The following F13A1 variants were observed in gnomAD, a reference collection of about 807,000 sequenced individuals.
F13A1 encodes coagulation factor XIII A chain, also known as FSF, A subunit.
F13A1 carries 47 observed loss-of-function variants against 80.1 expected under a neutral mutation model. The observed-to-expected ratio is 0.59, with a 90% CI of 0.46 to 0.75. The LOEUF is 0.75. F13A1 is among the 30% of genes least tolerant of loss of function. F13A1 has a pLI of 0.00. For missense variants in F13A1, 817 were observed against 930.4 expected (o/e 0.88, Z 1.59); for synonymous variants, 349 against 344.9 (o/e 1.01, Z -0.13).
At chr6:6,288,438 C>T (rs12665548) in intron 3 of F13A1, among the ~76,000 whole-genome samples, 11,304 of 152,148 alleles carry the variant, frequency 0.074, 604 homozygotes, top group East Asian at 0.22. Flanking sequence ...TCTTTCTGTG[C>T]CTGGCTTATT....
At chr6:6,196,023 C>A in intron 9 of F13A1, 138 bp from the exon 10 acceptor site, 1 of 847,188 alleles carries the variant, frequency 1.2e-6, no homozygotes, top group Non-Finnish European at 1.9e-6. Flanking sequence ...CAGATGCTTT[C>A]CAAGGCTGAA....
rs1433704612 is a variant in F13A1, at chr6:6,262,266, G to A, written c.571+4292C>T. On this transcript the variant is annotated intron_variant, in intron 4 of 14. Coordinates refer to ENST00000264870, the MANE Select transcript of F13A1 (RefSeq NM_000129.4). The stretch of plus-strand genomic sequence containing the variant: ...TGGTGACCCTCCAGGTGATTCTGAT[G>A]TGCTCCAAGCGTGGTGACCACAGAG... 2.0e-5 allele frequency among the ~76,000 whole-genome samples: 3 copies of A among 152,064 alleles called. 1 individual carries two copies. The highest frequency in any genetic ancestry group is 4.4e-5 in the Non-Finnish European group (3 of 68,010).
intron 3 of F13A1, among the ~76,000 whole-genome samples, chr6:6,291,350 C>G (rs1340995954): frequency 6.6e-6 from 1 of 152,116 alleles, no homozygotes; most frequent in African/African-American, 2.4e-5. Flanking sequence ...GTTCCAGTCC[C>G]TCCAATCCTG....
At chr6:6,174,932 T>C in intron 11 of F13A1, 65 bp from the exon 12 acceptor site, 1 of 1,588,470 alleles carries the variant, frequency 6.3e-7, no homozygotes, top group Non-Finnish European at 8.6e-7. Flanking sequence ...GTCACATTAA[T>C]GGATGCACCG....
chr6:6,242,176 T>A (rs1331171350), intron 6 of F13A1, among the ~76,000 whole-genome samples: 1 of 152,176 alleles, frequency 6.6e-6, no homozygotes, highest in Admixed American at 6.6e-5. Context: ...AGCACTAAAG[T>A]CCATTTCATC....
At chr6:6,252,580 C>G (rs1757648507) in intron 4 of F13A1, among the ~76,000 whole-genome samples, 2 of 152,102 alleles carry the variant, frequency 1.3e-5, no homozygotes, top group Non-Finnish European at 2.9e-5. Context: ...ACCATTAACT[C>G]TGAGAGTCAT....
intron 2 of F13A1, among the ~76,000 whole-genome samples, chr6:6,317,190 G>A (rs1411189686): frequency 6.6e-6 from 1 of 152,146 alleles, no homozygotes; most frequent in African/African-American, 2.4e-5. Flanking sequence ...CATTTTATTT[G>A]CATTCTTAAA....
intron 8 of F13A1, chr6:6,206,659 G>T: frequency 2.3e-6 from 1 of 428,634 alleles, no homozygotes; most frequent in Non-Finnish European, 4.9e-6. Flanking sequence ...AAAGAGCAAT[G>T]CCCCCTTCTT....
intron 10 of F13A1, among the ~76,000 whole-genome samples, chr6:6,186,168 A>T (rs1465270961): frequency 1.3e-5 from 2 of 150,714 alleles, no homozygotes; most frequent in African/African-American, 4.8e-5. Context: ...CCCATTCTGT[A>T]GGTTGCCTGT....
At chr6:6,201,828 G>A (rs1036238053) in intron 8 of F13A1, among the ~76,000 whole-genome samples, 5 of 152,184 alleles carry the variant, frequency 3.3e-5, no homozygotes, top group South Asian at 4.2e-4. Context: ...ACAGGCGTGA[G>A]CATTTTTCTC....
chr6:6,320,606 G>T lies in F13A1; in HGVS notation c.-38C>A, dbSNP rs772286419. On this transcript the variant is annotated 5_prime_UTR_variant, in exon 1 of 15. The change creates a new upstream start codon in the 5' untranslated region. Transcript: ENST00000264870. ...GCTTACCTGCAGGCGCTCCCCTCCAGAGGTGCCCTCGCGTGGGCTTGCTCT... is the reference window on the plus strand; with the variant it reads ...GCTTACCTGCAGGCGCTCCCCTCCATAGGTGCCCTCGCGTGGGCTTGCTCT... 3 of 470,052 alleles carry T rather than the reference G, an allele frequency of 6.4e-6. No homozygotes were observed. The highest frequency in any genetic ancestry group is 4.7e-5 in the South Asian group (3 of 64,396). 29.1% of individuals were successfully genotyped at this position (470,052 alleles called of 1,614,324 possible). A position where few individuals can be genotyped will look rare whatever the true frequency, so the allele number is the denominator to read the frequency against.
Position 6,145,448 on chromosome 6 carries a change from G to T in F13A1, c.*171C>A. ...CTAACTTCCTTGCCGAATAGCCTGG[G>T]TTTGGAAAAGCATGTTTTTGAAATA... On this transcript the variant is annotated 3_prime_UTR_variant, in exon 15 of 15. Coordinates refer to ENST00000264870, the MANE Select transcript of F13A1 (RefSeq NM_000129.4). 2.5e-6 allele frequency: 2 copies of T among 801,162 alleles called. No homozygotes were observed. Among genetic ancestry groups the T allele is most frequent in the Non-Finnish European group, 2.1e-6 (1 of 480,182 alleles). The allele number at this position is 801,162 out of a possible 1,614,324, so 49.6% of individuals were successfully genotyped here. A position where few individuals can be genotyped will look rare whatever the true frequency, so the allele number is the denominator to read the frequency against.
chr6:6,174,217 C>T (rs961364941), intron 12 of F13A1, among the ~76,000 whole-genome samples: 3 of 151,962 alleles, frequency 2.0e-5, no homozygotes, highest in Non-Finnish European at 4.4e-5. Context: ...TAGTGAAATC[C>T]CGTCTCTACT....
In F13A1 at chr6:6,162,643, G is replaced by C. The variant is rs1760595566; in HGVS notation, c.1908+4815C>G. ...ATCACGGGCCAGTTACTAATAAACA[G>C]CAATAATGGCAATAATAGCAGCAAC... On this transcript the variant is annotated intron_variant, in intron 13 of 14. Coordinates refer to ENST00000264870, the MANE Select transcript of F13A1 (RefSeq NM_000129.4). The surrounding 1 kb of genome is among the most constrained non-coding windows in gnomAD (Gnocchi z 4.2). Among the ~76,000 whole-genome samples, 1 of 152,152 alleles carries C rather than the reference G, an allele frequency of 6.6e-6. No individual in the cohort carries two copies. Among genetic ancestry groups the C allele is most frequent in the Non-Finnish European group, 1.5e-5 (1 of 68,034 alleles).
intron 10 of F13A1, among the ~76,000 whole-genome samples, chr6:6,193,192 G>A (rs1172950922): frequency 6.6e-6 from 1 of 152,164 alleles, no homozygotes; most frequent in Non-Finnish European, 1.5e-5. Flanking sequence ...GAGAAAAAAG[G>A]AACAGAAGGT....
chr6:6,229,951 A>C (rs1237290330), intron 6 of F13A1, among the ~76,000 whole-genome samples: 1 of 152,212 alleles, frequency 6.6e-6, no homozygotes, highest in Non-Finnish European at 1.5e-5. Context: ...GGAGCTTGCT[A>C]GGTCCCCTAG....
chr6:6,292,570 C>T (rs1031961904), intron 3 of F13A1, among the ~76,000 whole-genome samples: 2 of 152,192 alleles, frequency 1.3e-5, no homozygotes, highest in Non-Finnish European at 2.9e-5. Context: ...TGAGAATCAT[C>T]CATGTCACTC....
intron 3 of F13A1, among the ~76,000 whole-genome samples, chr6:6,285,849 G>A (rs1758132624): frequency 6.6e-6 from 1 of 152,220 alleles, no homozygotes; most frequent in Admixed American, 6.5e-5. Flanking sequence ...TAAAACCTCA[G>A]CAGTTGGGTG....
At chr6:6,214,322 AAACT>A in intron 8 of F13A1, among the ~76,000 whole-genome samples, 1 of 151,992 alleles carries the variant, frequency 6.6e-6, no homozygotes, top group South Asian at 2.1e-4. Flanking sequence ...AAATTATAAC[AAACT>A]ATGTCTCAGA....
Sources: gnomAD v4.1 joint callset for allele counts (sites outside exome capture counted in the v4.1 genomes callset) on GRCh38, gnomAD v4.1.1 for gene constraint, Gnocchi (gnomAD v3.1) non-coding constraint, MANE v1.5 for transcripts, NCBI Gene and HGNC (gene_info 2026-07-23, HGNC 2026-07-21) for gene names.